The following GULP1 variants were observed in gnomAD, a reference collection of about 807,000 sequenced individuals.
GULP1 encodes GULP PTB domain containing engulfment adaptor 1.
Under a neutral mutation model 40.9 loss-of-function variants are expected in GULP1, and 19 were observed. The ratio of observed to expected loss-of-function variants is 0.46; its 90% CI spans 0.32 to 0.68. GULP1 has a LOEUF of 0.68. Among genes scored for constraint, GULP1 ranks in the 30% least tolerant of loss-of-function variants. The pLI is 0.03. For missense variants in GULP1, 312 were observed against 362.2 expected (o/e 0.86, Z 1.12); for synonymous variants, 119 against 117.6 (o/e 1.01, Z -0.08).
chr2:188,367,434 C>T (rs1437704587), intron 1 of GULP1, among the ~76,000 whole-genome samples: 1 of 152,106 alleles, frequency 6.6e-6, no homozygotes, highest in East Asian at 1.9e-4. Context: ...CTCCAGGAGT[C>T]CCCGATGGAG....
chr2:188,434,982 T>C (rs904527244), intron 2 of GULP1, among the ~76,000 whole-genome samples: 1 of 152,046 alleles, frequency 6.6e-6, no homozygotes, highest in Non-Finnish European at 1.5e-5. Flanking sequence ...CTTTCTAAGA[T>C]TTTAAACAAA....
chr2:188,523,045 C>A, intron 5 of GULP1: 2 of 427,546 alleles, frequency 4.7e-6, no homozygotes, highest in Non-Finnish European at 4.3e-6. Context: ...TCACATTTTT[C>A]TAAGGTATAA....
At chr2:188,547,038 A>C (rs1444281344) in intron 7 of GULP1, among the ~76,000 whole-genome samples, 1 of 152,050 alleles carries the variant, frequency 6.6e-6, no homozygotes, top group African/African-American at 2.4e-5. Context: ...CTATAAAGGA[A>C]ATTAAATTTA....
At chr2:188,317,233 C>A (rs1485727402) in intron 1 of GULP1, among the ~76,000 whole-genome samples, 1 of 152,126 alleles carries the variant, frequency 6.6e-6, no homozygotes, top group Non-Finnish European at 1.5e-5. Context: ...GTTTGGTTTC[C>A]TAAGATTATA....
chr2:188,528,908 G>C (rs1294460349), intron 5 of GULP1, among the ~76,000 whole-genome samples, 189 bp from the exon 6 acceptor site: 1 of 152,126 alleles, frequency 6.6e-6, no homozygotes, highest in Non-Finnish European at 1.5e-5. Flanking sequence ...GAAAATCAAT[G>C]TGAATTATAA....
intron 2 of GULP1, among the ~76,000 whole-genome samples, chr2:188,476,728 G>A (rs565379448): frequency 3.3e-5 from 5 of 152,188 alleles, no homozygotes; most frequent in African/African-American, 1.2e-4. Flanking sequence ...TGTTGCTAGA[G>A]CAGCAAAGTT....
chr2:188,586,275 C>T (rs1026888753), intron 10 of GULP1, among the ~76,000 whole-genome samples: 1 of 152,184 alleles, frequency 6.6e-6, no homozygotes, highest in Non-Finnish European at 1.5e-5. Context: ...GTGAGTCACT[C>T]CAAGTCACTT....
rs1159248913 is a variant in GULP1 at position 188,483,470 on chromosome 2, ATTT to A, written c.69_71del (p.Phe24del). ...CATACACCTGAAGCTTTATCAAAACATTTCATTCCCTATAATGCAAAGGTAAAA... is the reference window on the plus strand; with the variant it reads ...CATACACCTGAAGCTTTATCAAAACACATTCCCTATAATGCAAAGGTAAAA... On this transcript the variant is annotated inframe_deletion, in exon 4 of 12. Transcript: ENST00000409830. 3 of 1,498,446 alleles carry A rather than the reference ATTT, an allele frequency of 2.0e-6. No individual in the cohort carries two copies. In the African/African-American group the frequency reaches 4.1e-5, roughly 21 times the overall value. 92.8% of individuals were successfully genotyped at this position (1,498,446 alleles called of 1,614,324 possible).
At chr2:188,314,529 T>C (rs1230623609) in intron 1 of GULP1, among the ~76,000 whole-genome samples, 1 of 152,160 alleles carries the variant, frequency 6.6e-6, no homozygotes, top group Non-Finnish European at 1.5e-5. Flanking sequence ...AAATTTGTAG[T>C]CAGCCAGTAT....
chr2:188,364,548 C>CTG (rs2046494869), intron 1 of GULP1, among the ~76,000 whole-genome samples: 1 of 152,028 alleles, frequency 6.6e-6, no homozygotes, highest in Non-Finnish European at 1.5e-5. Flanking sequence ...ATCATTTTCT[C>CTG]TGTTCCTCTT....
At chr2:188,395,172 T>A (rs1169393632) in intron 2 of GULP1, among the ~76,000 whole-genome samples, 1 of 152,102 alleles carries the variant, frequency 6.6e-6, no homozygotes, top group Non-Finnish European at 1.5e-5. Context: ...GGGGGAACAG[T>A]CGGAGGCACC....
At chr2:188,586,840 G>A (rs1702479162) in intron 10 of GULP1, among the ~76,000 whole-genome samples, 1 of 151,928 alleles carries the variant, frequency 6.6e-6, no homozygotes, top group Non-Finnish European at 1.5e-5. Flanking sequence ...GGATATGGCA[G>A]AAATCAAGTA....
intron 1 of GULP1, among the ~76,000 whole-genome samples, chr2:188,379,189 A>G (rs2048695452): frequency 6.6e-6 from 1 of 152,168 alleles, no homozygotes; most frequent in Admixed American, 6.5e-5. Flanking sequence ...AGCACATGCA[A>G]TGGAAAGCAT....
chr2:188,402,475 T>A (rs772262323), intron 2 of GULP1, among the ~76,000 whole-genome samples: 1 of 152,240 alleles, frequency 6.6e-6, no homozygotes, highest in South Asian at 2.1e-4. Context: ...TAGTAATAGA[T>A]ATACTAGAAT....
chr2:188,374,201 A>C (rs1188935583), intron 1 of GULP1, among the ~76,000 whole-genome samples: 2 of 152,134 alleles, frequency 1.3e-5, no homozygotes, highest in Non-Finnish European at 2.9e-5. Flanking sequence ...ATTTTATAGA[A>C]AACTTTTATT....
intron 5 of GULP1, among the ~76,000 whole-genome samples, chr2:188,524,468 G>C (rs1685615277): frequency 6.6e-6 from 1 of 151,922 alleles, no homozygotes; most frequent in Non-Finnish European, 1.5e-5. Flanking sequence ...TTCCAAAAGG[G>C]AGTGTATTTA....
At chr2:188,506,391 T>G (rs1056685297) in intron 4 of GULP1, among the ~76,000 whole-genome samples, 2 of 151,944 alleles carry the variant, frequency 1.3e-5, no homozygotes, top group Non-Finnish European at 2.9e-5. Context: ...TTATAGTTGT[T>G]TTCTATAATC....
chr2:188,521,491 C>G (rs549029123), intron 4 of GULP1, among the ~76,000 whole-genome samples: 1 of 152,130 alleles, frequency 6.6e-6, no homozygotes, highest in African/African-American at 2.4e-5. Flanking sequence ...CTGGGGAGAC[C>G]TCAGCAAACT....
chr2:188,382,423 G>A (rs186321466), intron 1 of GULP1, among the ~76,000 whole-genome samples: 74 of 152,268 alleles, frequency 4.9e-4, no homozygotes, highest in Non-Finnish European at 8.4e-4. Context: ...TGTGTTGGTA[G>A]GAGGTCTTCC....
Sources: allele counts gnomAD v4.1 joint callset (sites outside exome capture counted in the v4.1 genomes callset), GRCh38; gene constraint gnomAD v4.1.1; transcripts MANE v1.5; gene names NCBI Gene and HGNC (gene_info 2026-07-23, HGNC 2026-07-21).